Variants in DGLUCY observed in about 807,000 individuals in gnomAD.
The protein encoded by DGLUCY is D-glutamate cyclase.
A neutral mutation model predicts 58.5 loss-of-function variants in DGLUCY; 58 were observed. That is an observed-to-expected ratio of 0.99 (90% CI 0.80 to 1.23). The LOEUF is 1.23. DGLUCY is among the 50% of genes most tolerant of loss of function. The pLI is 0.00. For missense variants in DGLUCY, 779 were observed against 784.7 expected, an observed-to-expected ratio of 0.99 and a Z score of 0.09; for synonymous variants, 325 against 314.1, an observed-to-expected ratio of 1.03 and a Z score of -0.37.
intron 1 of DGLUCY, among the ~76,000 whole-genome samples, chr14:91,149,792 C>T (rs1323729711): frequency 6.6e-6 from 1 of 152,208 alleles, no homozygotes; most frequent in African/African-American, 2.4e-5. Flanking sequence ...GGTTGGGTTG[C>T]TTTATTTGGC....
Position 91,153,511 on chromosome 14 carries a change from G to A in DGLUCY, c.-81-4128G>A, listed in dbSNP as rs543937784. On this transcript the variant is annotated intron_variant, in intron 1 of 13. Transcript: ENST00000256324. The stretch of plus-strand genomic sequence containing the variant: ...AGTGAACATTTATTGGGCACCTCCC[G>A]TGTGCCAGGCACTGTTGATGCTGCA... 2.4e-4 allele frequency among the ~76,000 whole-genome samples: 37 copies of A among 152,320 alleles called. No homozygotes were observed. The South Asian group carries it at 3.3e-3, about 14-fold the overall frequency.
Position 91,172,648 on chromosome 14 carries a change from C to CTT in DGLUCY, c.457-630_457-629dup, listed in dbSNP as rs1215810602. On this transcript the variant is annotated intron_variant, in intron 5 of 13. Transcript: ENST00000256324. ...GCATGCATATTGTCTCACATTTTTC[C>CTT]TTTTTTTTTTTTCTTTGAGATGGAG... is the stretch of plus-strand genomic sequence containing the variant. Among the ~76,000 whole-genome samples the CTT allele has an allele frequency of 6.2e-5, 9 of 145,834 alleles. No individual in the cohort carries two copies. In the South Asian group the frequency reaches 1.3e-3, roughly 21 times the overall value.
intron 12 of DGLUCY, 103 bp from the exon 13 acceptor site, chr14:91,215,302 G>A (rs1030346066): frequency 3.0e-5 from 45 of 1,498,112 alleles, no homozygotes; most frequent in Middle Eastern, 2.0e-4. Flanking sequence ...CTGGTGCTAC[G>A]GGACCGTGGA....
chr14:91,105,043 T>C (rs2044565489), upstream of DGLUCY, among the ~76,000 whole-genome samples: 2 of 152,162 alleles, frequency 1.3e-5, no homozygotes, highest in South Asian at 4.1e-4. Context: ...GGCTGGGCAT[T>C]GTAGCTCACG....
chr14:91,078,616 T>C (rs945745306), intron 1 of DGLUCY, among the ~76,000 whole-genome samples: 8 of 152,182 alleles, frequency 5.3e-5, no homozygotes, highest in Admixed American at 5.2e-4. Context: ...AAAGTAGCAG[T>C]TGTTAGAAAA....
At chr14:91,148,904 G>C (rs2047155351) in intron 1 of DGLUCY, 1 of 152,524 alleles carries the variant, frequency 6.6e-6, no homozygotes, top group African/African-American at 2.4e-5. Context: ...AGCCGTGATT[G>C]TGCCACTGCA....
Position 91,204,918 on chromosome 14 carries a change from C to T in DGLUCY, c.1564+93C>T, listed in dbSNP as rs1884289194. The T allele has an allele frequency of 2.6e-6, 4 of 1,554,344 alleles. No individual in the cohort carries two copies. The East Asian group carries it at 6.9e-5, about 27-fold the overall frequency. On this transcript the variant is annotated intron_variant, in intron 12 of 13. Coordinates refer to ENST00000256324, the MANE Select transcript of DGLUCY (RefSeq NM_001102368.3). ...CCAGGCCAGAAGCTCTTCTTCTCTG[C>T]AGTCAGTCCATAGGGCACCAGGGCA... is the stretch of plus-strand genomic sequence containing the variant.
intron 1 of DGLUCY, among the ~76,000 whole-genome samples, chr14:91,135,783 C>G (rs2046298316): frequency 6.6e-6 from 1 of 150,990 alleles, no homozygotes; most frequent in South Asian, 2.1e-4. Context: ...ACATTAAATG[C>G]TACTAATTTT....
At chr14:91,111,549 G>A (rs192380216), upstream of DGLUCY, among the ~76,000 whole-genome samples, 1,230 of 152,198 alleles carry the variant, frequency 8.1e-3, 10 homozygotes, top group Non-Finnish European at 0.013. Flanking sequence ...CCAAAGTACT[G>A]GGATTACAGG....
chr14:91,154,727 G>A (rs577640574), intron 1 of DGLUCY, among the ~76,000 whole-genome samples: 41 of 152,204 alleles, frequency 2.7e-4, no homozygotes, highest in Non-Finnish European at 1.5e-5. Context: ...CCAACTTTGC[G>A]CTTTGGCTGC....
intron 1 of DGLUCY, among the ~76,000 whole-genome samples, chr14:91,152,583 C>G (rs1251865471): frequency 1.3e-5 from 2 of 152,090 alleles, no homozygotes; most frequent in Non-Finnish European, 2.9e-5. Context: ...TGCCTTCTTC[C>G]TTGCAGCAAC....
intron 7 of DGLUCY, among the ~76,000 whole-genome samples, chr14:91,177,986 C>T (rs1476620037): frequency 6.6e-6 from 1 of 152,238 alleles, no homozygotes; most frequent in Non-Finnish European, 1.5e-5. Flanking sequence ...CGTCCCCCAG[C>T]CCAGTGGCCT....
At chr14:91,210,342 G>A (rs532493740) in intron 12 of DGLUCY, among the ~76,000 whole-genome samples, 2 of 152,126 alleles carry the variant, frequency 1.3e-5, no homozygotes, top group Non-Finnish European at 1.5e-5. Flanking sequence ...ATCAGCCTGG[G>A]CAACATAACA....
chr14:91,081,964 C>T (rs1443880770), intron 1 of DGLUCY, among the ~76,000 whole-genome samples: 5 of 152,052 alleles, frequency 3.3e-5, no homozygotes, highest in African/African-American at 4.8e-5. Context: ...CTCCTGTCGT[C>T]CCACTCATAA....
rs368328377 is a variant in DGLUCY, at chr14:91,088,064, A to G, written c.-82+27360A>G. ...AAGGAGGAGGAGGAGCTGGGCAGGC[A>G]AAGGGTCAGAGGAAGATGTTCCAGG... On this transcript the variant is annotated intron_variant, in intron 1 of 4. Transcript: ENST00000521334. Among the ~76,000 whole-genome samples the G allele has an allele frequency of 4.9e-4, 74 of 152,202 alleles. No homozygotes were observed. The Middle Eastern group carries it at 0.01, about 21-fold the overall frequency.
At chr14:91,125,194 G>T (rs111226504) in intron 1 of DGLUCY, among the ~76,000 whole-genome samples, 3,691 of 152,248 alleles carry the variant, frequency 0.024, 65 homozygotes, top group South Asian at 0.047. Context: ...CACAACTACT[G>T]GCGAGTGTAC....
intron 1 of DGLUCY, among the ~76,000 whole-genome samples, chr14:91,080,315 G>T (rs1328591934): frequency 6.6e-6 from 1 of 152,184 alleles, no homozygotes; most frequent in East Asian, 1.9e-4. Context: ...CCTAGAAGTA[G>T]GACTGCCGAA....
intron 12 of DGLUCY, among the ~76,000 whole-genome samples, chr14:91,209,622 C>T (rs567421025): frequency 5.2e-4 from 79 of 152,190 alleles, no homozygotes; most frequent in Admixed American, 7.8e-4. Context: ...GCAGGAGAAT[C>T]GCTTTAACCC....
upstream of DGLUCY, among the ~76,000 whole-genome samples, chr14:91,111,175 G>A (rs2044686272): frequency 6.7e-6 from 1 of 150,042 alleles, no homozygotes; most frequent in South Asian, 2.1e-4. Flanking sequence ...TGTTTGGCGA[G>A]GGCCCCTTTT....
Sources: gnomAD v4.1 joint callset for allele counts (sites outside exome capture counted in the v4.1 genomes callset) on GRCh38, gnomAD v4.1.1 for gene constraint, MANE v1.5 for transcripts, NCBI Gene and HGNC (gene_info 2026-07-23, HGNC 2026-07-21) for gene names.